Variants in ENTPD5 observed in about 807,000 individuals in gnomAD.
The protein encoded by ENTPD5 is nucleoside diphosphate phosphatase ENTPD5.
ENTPD5 carries 49 observed loss-of-function variants against 60.2 expected under a neutral mutation model. The ratio of observed to expected loss-of-function variants is 0.81; its 90% CI spans 0.65 to 1.03. The LOEUF is 1.03. Among genes scored for constraint, ENTPD5 ranks in the 50% least tolerant of loss-of-function variants. The pLI, the probability that ENTPD5 is intolerant of heterozygous loss-of-function variation, is 0.00. For synonymous variants in ENTPD5, 187 were observed against 185.4 expected (o/e 1.01, Z -0.07); for missense variants, 480 against 507.6 (o/e 0.95, Z 0.52).
chr14:73,997,323 T>C (rs1052325102), intron 3 of ENTPD5, among the ~76,000 whole-genome samples: 2 of 152,132 alleles, frequency 1.3e-5, no homozygotes, highest in African/African-American at 4.8e-5. Flanking sequence ...TAGTTATGTC[T>C]TTCTGTTGAC....
chr14:73,955,575 T>G, downstream of ENTPD5: 1 of 1,495,412 alleles, frequency 6.7e-7, no homozygotes, highest in Non-Finnish European at 9.3e-7. Flanking sequence ...GGAGTCCACT[T>G]TCTCCAAGTG....
intron 15 of ENTPD5, 54 bp downstream of exon 15, chr14:73,969,953 CCTT>C: frequency 8.2e-7 from 1 of 1,225,188 alleles, no homozygotes; most frequent in Non-Finnish European, 1.2e-6. Flanking sequence ...AGCTCTTACT[CCTT>C]CTCAACCCCC....
chr14:73,956,191 G>GCA (rs2056427700), downstream of ENTPD5: 4 of 385,464 alleles, frequency 1.0e-5, no homozygotes, highest in Non-Finnish European at 2.0e-5. Flanking sequence ...AGCCAGGCAT[G>GCA]GTGGCGGGCG....
rs1234425501 is a variant in ENTPD5, at chr14:73,971,861, C to T, written c.1075G>A (p.Ala359Thr). ...ILKVEDFERK[A>T]REVCDNLENF... ...TTCCCCTGACACTTACCTTCCCTGG[C>T]TTTTCTTTCAAAATCTTCAACTTTT... is the stretch of plus-strand genomic sequence containing the variant. Residue 359 changes from alanine (A) to threonine (T), a missense_variant, in exon 14 of 16, where the codon GCC becomes ACC. Ala to Thr is a moderately conservative substitution (Grantham distance 58, BLOSUM62 0). Coordinates refer to ENST00000334696, the MANE Select transcript of ENTPD5 (RefSeq NM_001249.5). The T allele has an allele frequency of 6.2e-7, 1 of 1,606,322 alleles. No individual in the cohort carries two copies. The highest frequency in any genetic ancestry group is 8.5e-7 in the Non-Finnish European group (1 of 1,172,844).
rs189628607 is a variant in ENTPD5 at position 73,993,087 on chromosome 14, G to A, written c.-70-4915C>T. On this transcript the variant is annotated intron_variant, in intron 3 of 15. Coordinates refer to ENST00000334696, the MANE Select transcript of ENTPD5 (RefSeq NM_001249.5). Reference sequence around the variant, plus strand: ...TAAAGTGGCTCATGCCTGTAATCCCGGCAGTTCGACAGGCCAAGGTGAGTG... The same window carrying A: ...TAAAGTGGCTCATGCCTGTAATCCCAGCAGTTCGACAGGCCAAGGTGAGTG... Among the ~76,000 whole-genome samples the A allele has an allele frequency of 1.0e-3, 158 of 152,044 alleles. 1 individual carries two copies. Among genetic ancestry groups the A allele is most frequent in the Non-Finnish European group, 1.9e-3 (128 of 67,972 alleles).
intron 2 of ENTPD5, among the ~76,000 whole-genome samples, chr14:74,011,633 C>CA (rs781240565): frequency 1.1e-4 from 16 of 152,030 alleles, no homozygotes; most frequent in Non-Finnish European, 2.1e-4. Flanking sequence ...TCCATCTCTA[C>CA]AAAATATAAA....
chr14:74,014,654 A>T (rs1176195056), intron 2 of ENTPD5, among the ~76,000 whole-genome samples: 1 of 152,222 alleles, frequency 6.6e-6, no homozygotes, highest in Non-Finnish European at 1.5e-5. Flanking sequence ...TAAAAGTGAT[A>T]AGATTAAATC....
chr14:73,960,733 G>T (rs1455557592), downstream of ENTPD5: 1 of 511,018 alleles, frequency 2.0e-6, no homozygotes, highest in Non-Finnish European at 3.0e-6. Flanking sequence ...ATAGGATGCT[G>T]TGGAAGCATA....
chr14:74,002,392 G>A lies in ENTPD5; in HGVS notation c.-71+8699C>T, dbSNP rs569779028. Among the ~76,000 whole-genome samples, 20 of 152,214 alleles carry A rather than the reference G, an allele frequency of 1.3e-4. 1 individual carries two copies. In the South Asian group the frequency reaches 4.1e-3, roughly 32 times the overall value. On this transcript the variant is annotated intron_variant, in intron 3 of 15. Transcript: ENST00000334696. Reference sequence around the variant, plus strand: ...GTGAGACTTCCATCAGGATGTGAAAGTCTTACAGCAGTCTGACCTTCTTAC... The same window carrying A: ...GTGAGACTTCCATCAGGATGTGAAAATCTTACAGCAGTCTGACCTTCTTAC...
intron 6 of ENTPD5, among the ~76,000 whole-genome samples, chr14:73,977,738 G>A (rs2057504056): frequency 6.6e-6 from 1 of 152,162 alleles, no homozygotes; most frequent in Non-Finnish European, 1.5e-5. Flanking sequence ...GAAACTAGGA[G>A]GAGCCTTCCC....
chr14:73,958,550 T>A, downstream of ENTPD5: 1 of 1,311,932 alleles, frequency 7.6e-7, no homozygotes, highest in South Asian at 1.5e-5. Flanking sequence ...GAGGCTGTTC[T>A]TTCCCTCTGA....
chr14:73,958,772 C>T, downstream of ENTPD5: 6 of 1,485,364 alleles, frequency 4.0e-6, no homozygotes, highest in Non-Finnish European at 5.4e-6. Context: ...TCAGTCATGT[C>T]CAGCTTTGGC....
chr14:73,955,601 A>C, downstream of ENTPD5: 1 of 1,384,672 alleles, frequency 7.2e-7, no homozygotes, highest in Non-Finnish European at 1.0e-6. Context: ...TGAATGTAGG[A>C]GGAATCAGAC....
At chr14:73,959,561 G>A (rs751689759), downstream of ENTPD5, 4 of 1,614,094 alleles carry the variant, frequency 2.5e-6, 1 homozygote, top group South Asian at 4.4e-5. Flanking sequence ...GTGCTGCAGG[G>A]GGAGATACAG....
intron 10 of ENTPD5, among the ~76,000 whole-genome samples, chr14:73,975,322 G>C (rs1358754312): frequency 6.6e-6 from 1 of 151,792 alleles, no homozygotes; most frequent in Non-Finnish European, 1.5e-5. Flanking sequence ...CTGAACCTCT[G>C]AAGGCCAGCT....
intron 15 of ENTPD5, among the ~76,000 whole-genome samples, chr14:73,968,826 T>C (rs2057097950): frequency 6.6e-6 from 1 of 152,154 alleles, no homozygotes; most frequent in Non-Finnish European, 1.5e-5. Context: ...CCTGATGTAA[T>C]AGAGCCTAGA....
At chr14:73,991,266 A>G (rs937914657) in intron 3 of ENTPD5, among the ~76,000 whole-genome samples, 7 of 152,104 alleles carry the variant, frequency 4.6e-5, no homozygotes, top group African/African-American at 1.7e-4. Flanking sequence ...GAGTTCCTCA[A>G]GGTCAGGGTT....
intron 3 of ENTPD5, chr14:74,007,549 G>A (rs1435276831): frequency 6.6e-6 from 1 of 151,598 alleles, no homozygotes; most frequent in Non-Finnish European, 1.5e-5. Context: ...GTACTGAAGA[G>A]GTATTTGGTG....
chr14:73,958,434 G>A, downstream of ENTPD5: 1 of 1,499,114 alleles, frequency 6.7e-7, no homozygotes, highest in Non-Finnish European at 8.9e-7. Flanking sequence ...AAGTGGAGAT[G>A]GTCTCATCGT....
Sources: allele counts gnomAD v4.1 joint callset (sites outside exome capture counted in the v4.1 genomes callset), GRCh38; gene constraint gnomAD v4.1.1; transcripts MANE v1.5; gene names NCBI Gene and HGNC (gene_info 2026-07-23, HGNC 2026-07-21).